Variants in IGFL2 observed in about 807,000 individuals in gnomAD.
IGFL2 encodes IGF like family member 2.
In IGFL2, 7 loss-of-function variants were observed where a neutral mutation model predicts 13.9. That is an observed-to-expected ratio of 0.51 (90% CI 0.29 to 0.95). The LOEUF is 0.95. Among genes scored for constraint, IGFL2 ranks in the 40% least tolerant of loss-of-function variants. The probability of loss-of-function intolerance (pLI) is 0.08; values close to 1 mark genes in which losing one functional copy is unlikely to be tolerated. For missense variants in IGFL2, 138 were observed against 147.8 expected (o/e 0.93, Z 0.34); for synonymous variants, 55 against 55.8 (o/e 0.99, Z 0.07).
chr19:46,120,164 C>G, the IGFL2 span: 2 of 926,512 alleles, frequency 2.2e-6, no homozygotes, highest in South Asian at 1.9e-5. Context: ...GCATTCTTCC[C>G]CTGAAGTCTG....
the IGFL2 span, among the ~76,000 whole-genome samples, chr19:46,167,047 T>C: frequency 2.0e-5 from 3 of 152,198 alleles, no homozygotes; most frequent in African/African-American, 4.8e-5. Context: ...AGGGTATTGA[T>C]TGGGGAAGTG....
the IGFL2 span, chr19:46,111,757 C>T: frequency 7.9e-5 from 12 of 152,130 alleles, no homozygotes; most frequent in East Asian, 1.9e-4. Flanking sequence ...CTACCAGCCC[C>T]GTAGCTGAGA....
At chr19:46,094,035 T>C in the IGFL2 span, among the ~76,000 whole-genome samples, 1 of 17,108 alleles carries the variant, frequency 5.8e-5, no homozygotes, top group Admixed American at 3.9e-4. Flanking sequence ...CCTTGGAGGA[T>C]TTTTTTTTTT....
At chr19:46,097,632 G>C in the IGFL2 span, among the ~76,000 whole-genome samples, 1 of 152,122 alleles carries the variant, frequency 6.6e-6, no homozygotes, top group Non-Finnish European at 1.5e-5. Context: ...CTAGCTTTCT[G>C]ATGTAGGGAT....
the IGFL2 span, among the ~76,000 whole-genome samples, chr19:46,126,823 C>T: frequency 4.6e-5 from 7 of 152,208 alleles, no homozygotes; most frequent in African/African-American, 1.7e-4. Context: ...AGACTTAGTT[C>T]GTCCCTGTAC....
chr19:46,094,389 T>G, the IGFL2 span, among the ~76,000 whole-genome samples: 2 of 152,206 alleles, frequency 1.3e-5, no homozygotes, highest in East Asian at 3.8e-4. Context: ...AAGCAATGTA[T>G]GAATATATAT....
At chr19:46,145,598 ATATG>A (rs1280140821), upstream of IGFL2, among the ~76,000 whole-genome samples, 139 of 138,456 alleles carry the variant, frequency 1.0e-3, no homozygotes, top group African/African-American at 3.8e-3. Flanking sequence ...ACACTCATAT[ATATG>A]TGTGTGTGTG....
At chr19:46,139,692 A>G (rs1221850377), upstream of IGFL2, among the ~76,000 whole-genome samples, 1 of 152,174 alleles carries the variant, frequency 6.6e-6, no homozygotes, top group African/African-American at 2.4e-5. Flanking sequence ...AAGTGGAAAT[A>G]AGCAAGTTCA....
chr19:46,106,761 G>A, the IGFL2 span, among the ~76,000 whole-genome samples: 1 of 152,258 alleles, frequency 6.6e-6, no homozygotes, highest in South Asian at 2.1e-4. Flanking sequence ...GTGGTAACAG[G>A]CTTTAACCTT....
chr19:46,113,418 AT>A, the IGFL2 span: 1 of 404,586 alleles, frequency 2.5e-6, no homozygotes, highest in Non-Finnish European at 5.0e-6. Flanking sequence ...GGAAACTTCC[AT>A]TTTGACTGAA....
At chr19:46,112,349 C>T in the IGFL2 span, among the ~76,000 whole-genome samples, 1 of 152,136 alleles carries the variant, frequency 6.6e-6, no homozygotes, top group African/African-American at 2.4e-5. Flanking sequence ...TGGCCCCCAC[C>T]CCATGTCAGA....
chr19:46,180,215 G>A, the IGFL2 span, among the ~76,000 whole-genome samples: 4,236 of 143,118 alleles, frequency 0.03, 93 homozygotes, highest in Non-Finnish European at 0.039. Context: ...GTCTCCCTCT[G>A]TTGCGCAGGC....
At position 46,159,909 on chromosome 19, in the gene IGFL2, A is replaced by G. The variant is rs547083630; in HGVS notation, c.20-506A>G. 145 of 164,636 alleles carry G rather than the reference A, an allele frequency of 8.8e-4. 3 individuals are homozygous for G. The Middle Eastern group carries it at 0.015, about 17-fold the overall frequency. 10.2% of individuals were successfully genotyped at this position (164,636 alleles called of 1,614,324 possible). ...TTTGAGCCCTGGAGTTCAAGGCTGC[A>G]GTGAGTCAAGATGGCACCACTGCAC... On this transcript the variant is annotated intron_variant, in intron 1 of 3. Transcript: ENST00000377693.
At chr19:46,213,062 G>A in the IGFL2 span, 1 of 152,360 alleles carries the variant, frequency 6.6e-6, no homozygotes, top group Non-Finnish European at 1.5e-5. Context: ...TGTGAAGTTA[G>A]GACCTGATTA....
downstream of IGFL2, among the ~76,000 whole-genome samples, chr19:46,162,381 A>G (rs1974207601): frequency 6.6e-6 from 1 of 152,212 alleles, no homozygotes; most frequent in African/African-American, 2.4e-5. Context: ...ATCCTGAAGT[A>G]TGTTTTCCAA....
chr19:46,195,979 A>C, the IGFL2 span: 1 of 152,292 alleles, frequency 6.6e-6, no homozygotes, highest in Non-Finnish European at 1.5e-5. Flanking sequence ...CCTATTTGCC[A>C]AAGAAGCCTC....
the IGFL2 span, among the ~76,000 whole-genome samples, chr19:46,175,352 G>C: frequency 1.3e-4 from 20 of 152,216 alleles, no homozygotes; most frequent in East Asian, 3.1e-3. Flanking sequence ...ATCAGAATCA[G>C]CATTTGAACC....
chr19:46,119,545 G>C, the IGFL2 span, among the ~76,000 whole-genome samples: 3 of 141,210 alleles, frequency 2.1e-5, no homozygotes, highest in African/African-American at 8.4e-5. Context: ...GCTACTACTG[G>C]GGCCAAAGAC....
chr19:46,211,511 T>G, the IGFL2 span: 1 of 152,128 alleles, frequency 6.6e-6, no homozygotes, highest in African/African-American at 2.4e-5. Flanking sequence ...ATTCCTTCTA[T>G]TTTTTCCTGG....
Sources: allele counts gnomAD v4.1 joint callset (sites outside exome capture counted in the v4.1 genomes callset), GRCh38; gene constraint gnomAD v4.1.1; transcripts MANE v1.5; gene names NCBI Gene and HGNC (gene_info 2026-07-23, HGNC 2026-07-21).